NEK1: variants seen among roughly 807,000 people sequenced by gnomAD.
NEK1 encodes NIMA related kinase 1.
A neutral mutation model predicts 182.1 loss-of-function variants in NEK1; 137 were observed. The observed-to-expected ratio is 0.75, with a 90% CI of 0.65 to 0.87. NEK1 has a LOEUF of 0.87. NEK1 is among the 40% of genes least tolerant of loss of function. NEK1 has a pLI of 0.00. For synonymous variants in NEK1, 513 were observed against 492.2 expected, an observed-to-expected ratio of 1.04 and a Z score of -0.56; for missense variants, 1,391 against 1,494.4, an observed-to-expected ratio of 0.93 and a Z score of 1.14.
At chr4:169,396,365 C>A (rs1216494480) in intron 35 of NEK1, among the ~76,000 whole-genome samples, 1 of 38,052 alleles carries the variant, frequency 2.6e-5, no homozygotes, top group Non-Finnish European at 4.5e-5. Context: ...GACTCCATCT[C>A]AAAAAAAAAA....
intron 27 of NEK1, among the ~76,000 whole-genome samples, chr4:169,451,968 C>G (rs79801278): frequency 1.3e-5 from 2 of 152,192 alleles, no homozygotes; most frequent in Non-Finnish European, 2.9e-5. Flanking sequence ...ACCAATCCCA[C>G]AGAAATACAA....
At chr4:169,567,432 G>C (rs187418539) in intron 12 of NEK1, among the ~76,000 whole-genome samples, 2 of 150,232 alleles carry the variant, frequency 1.3e-5, no homozygotes, top group African/African-American at 2.5e-5. Context: ...ACACAGTCTC[G>C]CTCTGTCACC....
At chr4:169,586,936 T>C (rs547821706) in intron 9 of NEK1, among the ~76,000 whole-genome samples, 6 of 152,114 alleles carry the variant, frequency 3.9e-5, no homozygotes, top group Admixed American at 3.9e-4. Context: ...TTATTTATAT[T>C]TTCTGAAGTT....
intron 18 of NEK1, among the ~76,000 whole-genome samples, chr4:169,549,141 C>T (rs959868744): frequency 2.6e-5 from 4 of 152,148 alleles, no homozygotes; most frequent in Admixed American, 6.6e-5. Context: ...TTGTGAAGAC[C>T]GTCGGAAAAG....
At chr4:169,539,364 T>C (rs1219158393) in intron 18 of NEK1, among the ~76,000 whole-genome samples, 3 of 152,144 alleles carry the variant, frequency 2.0e-5, no homozygotes, top group Non-Finnish European at 4.4e-5. Context: ...TATAGCCCCA[T>C]TTATATAAGG....
chr4:169,549,424 T>C (rs1761073353), intron 18 of NEK1, among the ~76,000 whole-genome samples: 1 of 152,154 alleles, frequency 6.6e-6, no homozygotes, highest in Non-Finnish European at 1.5e-5. Flanking sequence ...CAGCTGCCCA[T>C]CTTTTGTTTT....
At chr4:169,433,152 T>C (rs1406951938) in intron 29 of NEK1, among the ~76,000 whole-genome samples, 1 of 152,128 alleles carries the variant, frequency 6.6e-6, no homozygotes, top group Non-Finnish European at 1.5e-5. Context: ...CTCTGCCTCC[T>C]GGATTCAAGC....
intron 5 of NEK1, among the ~76,000 whole-genome samples, chr4:169,592,259 C>G (rs1768648896): frequency 6.6e-6 from 1 of 151,982 alleles, no homozygotes; most frequent in Non-Finnish European, 1.5e-5. Flanking sequence ...AAATATAAAA[C>G]CATGTATATA....
intron 32 of NEK1, among the ~76,000 whole-genome samples, 158 bp downstream of exon 32, chr4:169,406,434 AGAGT>A (rs1453096788): frequency 6.6e-6 from 1 of 152,048 alleles, no homozygotes; most frequent in Non-Finnish European, 1.5e-5. Flanking sequence ...GCTAGGTGAC[AGAGT>A]GAGACCCTGT....
intron 18 of NEK1, among the ~76,000 whole-genome samples, chr4:169,549,711 C>T (rs1044295215): frequency 3.3e-5 from 5 of 151,848 alleles, no homozygotes; most frequent in African/African-American, 7.2e-5. Context: ...GTGTAAGCCA[C>T]GACACCCGGT....
At chr4:169,511,423 A>T (rs1173246128) in intron 19 of NEK1, among the ~76,000 whole-genome samples, 1 of 152,136 alleles carries the variant, frequency 6.6e-6, no homozygotes, top group Non-Finnish European at 1.5e-5. Context: ...TGAATTGAGT[A>T]TTGCTATAGA....
intron 23 of NEK1, among the ~76,000 whole-genome samples, chr4:169,492,690 C>T (rs1750336833): frequency 6.6e-6 from 1 of 152,156 alleles, no homozygotes; most frequent in Non-Finnish European, 1.5e-5. Flanking sequence ...ATCCTCTGCC[C>T]TTGAGCCACT....
intron 27 of NEK1, among the ~76,000 whole-genome samples, chr4:169,453,869 G>A (rs534020138): frequency 5.3e-5 from 8 of 152,298 alleles, no homozygotes; most frequent in Admixed American, 2.0e-4. Flanking sequence ...ATATTCCTGT[G>A]TGTGTCTTTA....
At chr4:169,531,715 T>C (rs989106356) in intron 19 of NEK1, among the ~76,000 whole-genome samples, 1 of 152,068 alleles carries the variant, frequency 6.6e-6, no homozygotes, top group African/African-American at 2.4e-5. Context: ...CTAAGTGTAG[T>C]AACAGTCACT....
chr4:169,493,063 A>G (rs1290233616), intron 23 of NEK1, among the ~76,000 whole-genome samples: 2 of 152,154 alleles, frequency 1.3e-5, no homozygotes, highest in East Asian at 1.9e-4. Context: ...ACAGAGCCTA[A>G]ATAAATCTGC....
intron 26 of NEK1, among the ~76,000 whole-genome samples, chr4:169,472,326 G>A (rs1446704961): frequency 6.6e-6 from 1 of 152,150 alleles, no homozygotes; most frequent in Non-Finnish European, 1.5e-5. Flanking sequence ...AGCGTAGTAT[G>A]TGGGTCAGAT....
At chr4:169,443,489 G>T (rs968556400) in intron 27 of NEK1, among the ~76,000 whole-genome samples, 11 of 150,536 alleles carry the variant, frequency 7.3e-5, no homozygotes, top group African/African-American at 2.7e-4. Flanking sequence ...ATAAAGAAAA[G>T]GATAAAAGAA....
At chr4:169,597,460 AT>A (rs1252236975) in intron 5 of NEK1, among the ~76,000 whole-genome samples, 40 of 152,190 alleles carry the variant, frequency 2.6e-4, no homozygotes, top group African/African-American at 5.5e-4. Context: ...CAAAAAAAAA[AT>A]AATAATAAAA....
rs1364061279 is a variant in NEK1, at chr4:169,505,036, A to AC, written c.2007+2000_2007+2001insG. Among the ~76,000 whole-genome samples, 4 of 149,356 alleles carry AC rather than the reference A, an allele frequency of 2.7e-5. No homozygotes were observed. In the East Asian group the frequency reaches 8.0e-4, roughly 30 times the overall value. On this transcript the variant is annotated intron_variant, in intron 23 of 35. Coordinates refer to ENST00000507142, the MANE Select transcript of NEK1 (RefSeq NM_001199397.3). Reference sequence around the variant, plus strand: ...ACCTACAAAAATTAAAAGTAAAAAAAAAATTTTTTTTAAGGCACAACTTAC... The same window carrying AC: ...ACCTACAAAAATTAAAAGTAAAAAAACAAATTTTTTTTAAGGCACAACTTAC...
Sources: gnomAD v4.1 joint callset for allele counts (sites outside exome capture counted in the v4.1 genomes callset) on GRCh38, gnomAD v4.1.1 for gene constraint, MANE v1.5 for transcripts, NCBI Gene and HGNC (gene_info 2026-07-23, HGNC 2026-07-21) for gene names.